Variants in NDUFS4 observed in about 807,000 individuals in gnomAD.
NDUFS4 encodes NADH:ubiquinone oxidoreductase subunit S4.
Under a neutral mutation model 24.3 loss-of-function variants are expected in NDUFS4, and 28 were observed. That is an observed-to-expected ratio of 1.15 (90% CI 0.85 to 1.58). NDUFS4 has a LOEUF of 1.58. NDUFS4 is among the 40% of genes most tolerant of loss of function. NDUFS4 has a pLI of 0.00. For missense variants in NDUFS4, 223 were observed against 207.9 expected, an observed-to-expected ratio of 1.07 and a Z score of -0.45; for synonymous variants, 93 against 69.7, an observed-to-expected ratio of 1.34 and a Z score of -1.67.
intron 2 of NDUFS4, chr5:53,605,013 A>G (rs1484428768): frequency 2.6e-6 from 1 of 386,972 alleles, no homozygotes; most frequent in Non-Finnish European, 5.1e-6. Context: ...CGAGGTCAGG[A>G]GTTCGTGACC....
chr5:53,653,191 A>G (rs369299233), intron 3 of NDUFS4, among the ~76,000 whole-genome samples: 1 of 152,268 alleles, frequency 6.6e-6, no homozygotes, highest in East Asian at 1.9e-4. Flanking sequence ...TGAATCTGTC[A>G]TTCAGCTTCT....
chr5:53,657,197 C>G lies in NDUFS4; in HGVS notation c.351-1354C>G, dbSNP rs112996612. Among the ~76,000 whole-genome samples the G allele has an allele frequency of 4.6e-3, 700 of 152,252 alleles. 8 individuals are homozygous for G. Among genetic ancestry groups the G allele is most frequent in the African/African-American group, 0.016 (676 of 41,546 alleles). ...TTACTGCATCATATTTATGTTGATA[C>G]TTCTGTTCTCAGTATATATACTTTA... On this transcript the variant is annotated intron_variant, in intron 3 of 4. Transcript: ENST00000296684.
At chr5:53,561,901 T>A (rs1748858250) in intron 1 of NDUFS4, among the ~76,000 whole-genome samples, 1 of 152,144 alleles carries the variant, frequency 6.6e-6, no homozygotes, top group Non-Finnish European at 1.5e-5. Context: ...GATTACTAAA[T>A]ACATAGAATA....
chr5:53,588,194 T>C (rs952895733), intron 1 of NDUFS4, among the ~76,000 whole-genome samples: 4 of 152,290 alleles, frequency 2.6e-5, no homozygotes, highest in African/African-American at 9.6e-5. Flanking sequence ...AGTAGCATTA[T>C]GTCTAAAAAA....
At chr5:53,613,551 G>T (rs1750759483) in intron 2 of NDUFS4, among the ~76,000 whole-genome samples, 1 of 149,332 alleles carries the variant, frequency 6.7e-6, no homozygotes, top group African/African-American at 2.5e-5. Context: ...GAAGAATCAT[G>T]ACTAAATATA....
In NDUFS4 at chr5:53,580,779, CTCTT is replaced by C. The variant is rs1181646750; in HGVS notation, c.98+20027_98+20030del. On this transcript the variant is annotated intron_variant, in intron 1 of 4. Coordinates refer to ENST00000296684, the MANE Select transcript of NDUFS4 (RefSeq NM_002495.4). ...TCTCTTTCTTTCTTTCTTTCTCTCT[CTCTT>C]TCTTTCTCTTTCTCTCTTTCTTTCC... 2.7e-3 allele frequency among the ~76,000 whole-genome samples: 381 copies of C among 141,994 alleles called. 3 individuals carry two copies. Among genetic ancestry groups the C allele is most frequent in the African/African-American group, 9.8e-3 (371 of 37,964 alleles). The allele number at this position is 141,994 out of a possible 152,430, so 93.2% of individuals were successfully genotyped here.
intron 2 of NDUFS4, 47 bp from the exon 3 acceptor site, chr5:53,646,186 G>C: frequency 7.1e-7 from 1 of 1,410,986 alleles, no homozygotes; most frequent in African/African-American, 1.4e-5. Flanking sequence ...ACATTAGTGT[G>C]TATGTAGGCT....
chr5:53,563,090 G>A (rs1053221303), intron 1 of NDUFS4, among the ~76,000 whole-genome samples: 2 of 152,040 alleles, frequency 1.3e-5, no homozygotes, highest in Non-Finnish European at 2.9e-5. Context: ...TTAGCCAGGC[G>A]TGGCAGCGTG....
intron 3 of NDUFS4, among the ~76,000 whole-genome samples, chr5:53,655,246 T>A (rs1156527060): frequency 1.3e-5 from 2 of 152,194 alleles, no homozygotes; most frequent in African/African-American, 4.8e-5. Flanking sequence ...AGTACCCAGA[T>A]GGAGAAACAG....
At chr5:53,592,452 C>T (rs892514329) in intron 1 of NDUFS4, among the ~76,000 whole-genome samples, 5 of 152,106 alleles carry the variant, frequency 3.3e-5, no homozygotes, top group African/African-American at 9.7e-5. Context: ...GGCATTGTAT[C>T]TGAAAACTCA....
rs796960315 is a variant in NDUFS4, at chr5:53,572,957, G to GTTTTTTTTT, written c.98+12201_98+12209dup. On this transcript the variant is annotated intron_variant, in intron 1 of 4. Transcript: ENST00000296684. The stretch of plus-strand genomic sequence containing the variant: ...CCGTGCCTGGCCTTTGTTGTTTTTT[G>GTTTTTTTTT]TTTTTTTTTTTTGTTTTTTTTTTTT... Among the ~76,000 whole-genome samples the GTTTTTTTTT allele has an allele frequency of 1.0e-3, 107 of 103,168 alleles. 1 individual carries two copies. The highest frequency in any genetic ancestry group is 1.5e-3 in the Non-Finnish European group (75 of 48,844). The allele number at this position is 103,168 out of a possible 152,430, so 67.7% of individuals were successfully genotyped here.
chr5:53,587,555 TATC>T (rs1188583707), intron 1 of NDUFS4, among the ~76,000 whole-genome samples: 1 of 150,550 alleles, frequency 6.6e-6, no homozygotes, highest in East Asian at 2.0e-4. Flanking sequence ...CAATTATAAA[TATC>T]ATGGTATTCC....
chr5:53,672,245 AC>A (rs1399551503), intron 4 of NDUFS4, among the ~76,000 whole-genome samples: 2 of 152,046 alleles, frequency 1.3e-5, no homozygotes, highest in Non-Finnish European at 2.9e-5. Context: ...AAAAAAAAAA[AC>A]TTTCAAAACA....
chr5:53,645,520 T>A (rs1213829775), intron 2 of NDUFS4, among the ~76,000 whole-genome samples: 1 of 152,224 alleles, frequency 6.6e-6, no homozygotes, highest in African/African-American at 2.4e-5. Flanking sequence ...AATGAGCATT[T>A]GTTACTGGAT....
chr5:53,624,052 G>GT (rs1751143782), intron 2 of NDUFS4, among the ~76,000 whole-genome samples: 2 of 152,162 alleles, frequency 1.3e-5, no homozygotes, highest in Admixed American at 6.6e-5. Context: ...TGTATATGGT[G>GT]TAAGACAAGG....
chr5:53,603,095 G>A (rs999433793), intron 1 of NDUFS4, among the ~76,000 whole-genome samples: 1 of 152,058 alleles, frequency 6.6e-6, no homozygotes, highest in Non-Finnish European at 1.5e-5. Context: ...AAGAATCAGT[G>A]TTCCAGAACA....
At chr5:53,638,774 G>A (rs1028971403) in intron 2 of NDUFS4, among the ~76,000 whole-genome samples, 1 of 152,000 alleles carries the variant, frequency 6.6e-6, no homozygotes, top group Non-Finnish European at 1.5e-5. Context: ...ACAGATAAAG[G>A]AAAACCTTCA....
At chr5:53,619,740 TAC>T (rs1319229679) in intron 2 of NDUFS4, among the ~76,000 whole-genome samples, 3 of 152,114 alleles carry the variant, frequency 2.0e-5, no homozygotes, top group African/African-American at 4.8e-5. Context: ...CAAATTGTTT[TAC>T]AGTTTTTTAT....
intron 2 of NDUFS4, among the ~76,000 whole-genome samples, chr5:53,639,636 C>T (rs904201778): frequency 1.3e-5 from 2 of 152,056 alleles, no homozygotes; most frequent in African/African-American, 4.8e-5. Context: ...AACTTGTTCT[C>T]AACAATTAAA....
Sources: allele counts gnomAD v4.1 joint callset (sites outside exome capture counted in the v4.1 genomes callset), GRCh38; gene constraint gnomAD v4.1.1; transcripts MANE v1.5; gene names NCBI Gene and HGNC (gene_info 2026-07-23, HGNC 2026-07-21).